The following CACTIN variants were observed in gnomAD, a reference collection of about 807,000 sequenced individuals.
CACTIN encodes splicing factor Cactin.
CACTIN carries 20 observed loss-of-function variants against 84.9 expected under a neutral mutation model. The ratio of observed to expected loss-of-function variants is 0.24; its 90% CI spans 0.17 to 0.34. CACTIN has a LOEUF of 0.34. Among genes scored for constraint, CACTIN ranks in the 10% least tolerant of loss-of-function variants. The pLI is 1.00. For synonymous variants in CACTIN, 549 were observed against 467.9 expected (o/e 1.17, Z -2.24); for missense variants, 897 against 1,117.2 (o/e 0.80, Z 2.81).
chr19:3,611,749 A>AC lies in CACTIN; in HGVS notation c.*173dup, dbSNP rs900901206. 77 of 836,320 alleles carry AC rather than the reference A, an allele frequency of 9.2e-5. No homozygotes were observed. The African/African-American group carries it at 1.1e-3, about 12-fold the overall frequency. 51.8% of individuals were successfully genotyped at this position (836,320 alleles called of 1,614,324 possible). ...GCTCACCATGGCAGGCTCAATGGTG[A>AC]CCCCCCTTTTATATAGGAGGAAACT... On this transcript the variant is annotated 3_prime_UTR_variant, in exon 10 of 10. Transcript: ENST00000429344.
At chr19:3,613,873 A>G in intron 7 of CACTIN, 1 of 507,140 alleles carries the variant, frequency 2.0e-6, no homozygotes, top group Non-Finnish European at 3.5e-6. Flanking sequence ...GGCCAGGAGA[A>G]GGGGCCCAGC....
intron 4 of CACTIN, 103 bp downstream of exon 4, chr19:3,620,024 G>A (rs2033189652): frequency 7.2e-7 from 1 of 1,385,044 alleles, no homozygotes; most frequent in Admixed American, 1.9e-5. Context: ...GAAGTGCCGT[G>A]TGGGACCCTG....
chr19:3,612,995 G>C (rs2033003716), intron 9 of CACTIN, 63 bp downstream of exon 9: 1 of 1,492,248 alleles, frequency 6.7e-7, no homozygotes, highest in Non-Finnish European at 8.9e-7. Flanking sequence ...AATGAGGCTG[G>C]AGAAGCCCCG....
chr19:3,613,019 C>T, intron 9 of CACTIN, 39 bp downstream of exon 9: 1 of 1,495,014 alleles, frequency 6.7e-7, no homozygotes, highest in South Asian at 1.3e-5. Flanking sequence ...CCAGCTCGCC[C>T]CACTGGCCCC....
rs533128306 is a variant in CACTIN at position 3,612,497 on chromosome 19, G to C, written c.1787-84C>G. 2.9e-5 allele frequency: 42 copies of C among 1,462,598 alleles called. 1 individual carries two copies. The South Asian group carries it at 5.9e-4, about 21-fold the overall frequency. The allele number at this position is 1,462,598 out of a possible 1,614,324, so 90.6% of individuals were successfully genotyped here. On this transcript the variant is annotated intron_variant, in intron 9 of 9. Coordinates refer to ENST00000429344, the MANE Select transcript of CACTIN (RefSeq NM_001080543.2). ...CCTAGCCTCTCTGGCAGGGGCGGCC[G>C]CTGGTGCCTCCCGCAAAAGGAAAAC...
rs1568289666 is a variant in CACTIN, at chr19:3,611,755, C to G, written c.*168G>C. 9.9e-6 allele frequency: 9 copies of G among 905,736 alleles called. No individual in the cohort carries two copies. In the East Asian group the frequency reaches 2.4e-4, roughly 24 times the overall value. 56.1% of individuals were successfully genotyped at this position (905,736 alleles called of 1,614,324 possible). On this transcript the variant is annotated 3_prime_UTR_variant, in exon 10 of 10. Transcript: ENST00000429344. ...CATGGCAGGCTCAATGGTGACCCCC[C>G]TTTTATATAGGAGGAAACTGAGGCC... is the stretch of plus-strand genomic sequence containing the variant.
At position 3,611,701 on chromosome 19, in the gene CACTIN, C is replaced by A. The variant is rs572622781; in HGVS notation, c.*222G>T. On this transcript the variant is annotated 3_prime_UTR_variant, in exon 10 of 10. Coordinates refer to ENST00000429344, the MANE Select transcript of CACTIN (RefSeq NM_001080543.2). ...CCTCCGTTGCATCAGGACCCTAGGC[C>A]AGCCTGTCCCAGTGTCTCCTCAGCT... 1 of 635,880 alleles carries A rather than the reference C, an allele frequency of 1.6e-6. No individual in the cohort carries two copies. The allele number at this position is 635,880 out of a possible 1,614,324, so 39.4% of individuals were successfully genotyped here. A position where few individuals can be genotyped will look rare whatever the true frequency, so the allele number is the denominator to read the frequency against.
At chr19:3,613,700 G>A in intron 7 of CACTIN, 114 bp from the exon 8 acceptor site, 1 of 1,435,144 alleles carries the variant, frequency 7.0e-7, no homozygotes, top group Non-Finnish European at 9.3e-7. Context: ...GTGGCGAGCA[G>A]CCACGGCTCT....
chr19:3,624,156 A>T lies in CACTIN; in HGVS notation c.174T>A (p.Asp58Glu). The part of the protein sequence containing the change: ...RRRRSRERRS[D>E]SEEERWQRSG... Reference sequence around the variant, plus strand: ...AGCGCTGCCACCGCTCTTCCTCTGAATCTGACCTGCGGAGAGGACCATGGA... The same window carrying T: ...AGCGCTGCCACCGCTCTTCCTCTGATTCTGACCTGCGGAGAGGACCATGGA... The change falls in exon 2 of 10, where the codon GAT becomes GAA. Residue 58 changes from aspartate to glutamate, a missense_variant. By Grantham distance (45) the Asp-to-Glu change is conservative. Transcript: ENST00000429344. 1 of 1,559,860 alleles carries T rather than the reference A, an allele frequency of 6.4e-7. No homozygotes were observed. The highest frequency in any genetic ancestry group is 1.2e-5 in the South Asian group (1 of 86,730).
intron 6 of CACTIN, among the ~76,000 whole-genome samples, chr19:3,618,495 G>A (rs978648303): frequency 7.2e-5 from 11 of 152,384 alleles, no homozygotes; most frequent in Non-Finnish European, 1.2e-4. Context: ...GACAGGTAGC[G>A]CCCTGAAGCT....
rs7258056 is a variant in CACTIN, at chr19:3,619,993, G to T, written c.884+134C>A. On this transcript the variant is annotated intron_variant, in intron 4 of 9. Transcript: ENST00000429344. ...CAGAAGCCTTGCCGCCCGGGAAGGGGTCAGGAAGGGAAGGTCCCAGGAAGT... is the reference window on the plus strand; with the variant it reads ...CAGAAGCCTTGCCGCCCGGGAAGGGTTCAGGAAGGGAAGGTCCCAGGAAGT... 2,146 of 1,070,346 alleles carry T rather than the reference G, an allele frequency of 2.0e-3. 38 individuals are homozygous for T. In the African/African-American group the frequency reaches 0.031, roughly 15 times the overall value. The allele number at this position is 1,070,346 out of a possible 1,614,324, so 66.3% of individuals were successfully genotyped here.
intron 4 of CACTIN, 33 bp downstream of exon 4, chr19:3,620,094 C>T (rs756304826): frequency 1.2e-6 from 2 of 1,605,082 alleles, no homozygotes; most frequent in Admixed American, 3.3e-5. Flanking sequence ...GGCTCCAAGT[C>T]TGGGTCGGAG....
At position 3,613,080 on chromosome 19, in the gene CACTIN, C is replaced by G. The variant is rs753136208; in HGVS notation, c.1764G>C (p.Ser588=). The G allele has an allele frequency of 1.2e-5, 19 of 1,577,372 alleles. No homozygotes were observed. The highest frequency in any genetic ancestry group is 1.7e-5 in the Admixed American group (1 of 57,536). ...PDEDLQRLQL[S]RQQLQVTGDA... The stretch of plus-strand genomic sequence containing the variant: ...TACCCGTGACCTGGAGCTGCTGGCG[C>G]GAGAGCTGCAGGCGCTGCAGGTCCT... The change falls in exon 9 of 10, where the codon TCG becomes TCC. Residue 588 remains serine (S), a synonymous_variant. Transcript: ENST00000429344.
chr19:3,619,654 A>C (rs1361964447), intron 4 of CACTIN, among the ~76,000 whole-genome samples: 1 of 152,112 alleles, frequency 6.6e-6, no homozygotes, highest in Admixed American at 6.5e-5. Flanking sequence ...CGGGGCAGAG[A>C]GCCGGGTTTC....
rs1302916793 is a variant in CACTIN, at chr19:3,618,967, C to T, written c.1070G>A (p.Gly357Asp). ...DIQVYMELEQ[G>D]KNADFWRDMT... is the part of the protein sequence containing the mutation. ...GTCCCGCCAGAAGTCGGCGTTCTTG[C>T]CCTGCTCCAGCTCCATGTAGACCTG... Residue 357 changes from glycine to aspartate, a missense_variant, in exon 6 of 10, where the codon GGC becomes GAC. Transcript: ENST00000429344. The T allele has an allele frequency of 1.3e-6, 2 of 1,556,346 alleles. No homozygotes were observed. Among genetic ancestry groups the T allele is most frequent in the Non-Finnish European group, 8.7e-7 (1 of 1,149,856 alleles).
chr19:3,626,372 C>T (rs1359711609), intron 1 of CACTIN, among the ~76,000 whole-genome samples: 1 of 152,262 alleles, frequency 6.6e-6, no homozygotes, highest in African/African-American at 2.4e-5. Flanking sequence ...CTCGCTCACC[C>T]GGCTCCGGGC....
At position 3,613,353 on chromosome 19, in the gene CACTIN, C is replaced by T; in HGVS notation, c.1491G>A (p.Glu497=). 1 of 1,512,722 alleles carries T rather than the reference C, an allele frequency of 6.6e-7. No homozygotes were observed. Among genetic ancestry groups the T allele is most frequent in the East Asian group, 2.5e-5 (1 of 40,346 alleles). 93.7% of individuals were successfully genotyped at this position (1,512,722 alleles called of 1,614,324 possible). The change falls in exon 9 of 10, where the codon GAG becomes GAA. Residue 497 remains glutamate, a synonymous_variant. Transcript: ENST00000429344. Reference sequence around the variant, plus strand: ...GCCCGGGCGGGGTGGGCGCCGCGTCCTCAGGCTCCAGGCTGGGAGGAGAGA... The same window carrying T: ...GCCCGGGCGGGGTGGGCGCCGCGTCTTCAGGCTCCAGGCTGGGAGGAGAGA... ...PQSPSRSLEP[E]DAAPTPPGPS...
Position 3,619,253 on chromosome 19 carries a change from C to T in CACTIN, c.885-11G>A. ...ATGCGGATCTTGGAACTGTGGGGAG[C>T]AGGGGAAGGTGGCATCAGAGCCTGG... is the stretch of plus-strand genomic sequence containing the variant. On this transcript the variant is annotated splice_polypyrimidine_tract_variant and intron_variant, in intron 4 of 9. Transcript: ENST00000429344. 6.2e-7 allele frequency: 1 copy of T among 1,610,932 alleles called. No individual in the cohort carries two copies.
At position 3,615,987 on chromosome 19, in the gene CACTIN, C is replaced by T. The variant is rs2033097680; in HGVS notation, c.1163-1398G>A. ...AAACCCAAGCAGAAGAGCCCAGCCG[C>T]GAGGCTCCCAGGAAGCCAGGCCAGG... On this transcript the variant is annotated intron_variant, in intron 6 of 9. Coordinates refer to ENST00000429344, the MANE Select transcript of CACTIN (RefSeq NM_001080543.2). This position sits in a 1 kb window ranked among gnomAD's most constrained non-coding sequence, Gnocchi z 5.2. 2 of 152,062 alleles carry T rather than the reference C, an allele frequency of 1.3e-5. No homozygotes were observed. Among genetic ancestry groups the T allele is most frequent in the African/African-American group, 4.8e-5 (2 of 41,380 alleles). 9.4% of individuals were successfully genotyped at this position (152,062 alleles called of 1,614,324 possible). A position where few individuals can be genotyped will look rare whatever the true frequency, so the allele number is the denominator to read the frequency against.
Sources: allele counts gnomAD v4.1 joint callset (sites outside exome capture counted in the v4.1 genomes callset), GRCh38; gene constraint gnomAD v4.1.1; non-coding constraint Gnocchi (gnomAD v3.1); transcripts MANE v1.5; gene names NCBI Gene and HGNC (gene_info 2026-07-23, HGNC 2026-07-21).